Variants in TLN2 observed in about 807,000 individuals in gnomAD.
The protein encoded by TLN2 is talin-2.
TLN2 carries 118 observed loss-of-function variants against 294.7 expected under a neutral mutation model. That is an observed-to-expected ratio of 0.40 (90% confidence interval 0.34 to 0.47). TLN2 has a LOEUF of 0.47. TLN2 is among the 20% of genes least tolerant of loss of function. The pLI, the probability that TLN2 is intolerant of heterozygous loss-of-function variation, is 0.84. For synonymous variants in TLN2, 1,431 were observed against 1,304.5 expected (o/e 1.10, Z -2.09); for missense variants, 3,083 against 3,282.2 (o/e 0.94, Z 1.48).
At chr15:62,827,833 T>TAATC (rs2068366493) in intron 54 of TLN2, 1 of 152,242 alleles carries the variant, frequency 6.6e-6, no homozygotes, top group Admixed American at 6.5e-5. Context: ...TTACATATAC[T>TAATC]AATCACGTGC....
chr15:62,838,742 A>G, intron 57 of TLN2, 114 bp from the exon 58 acceptor site: 11 of 1,390,136 alleles, frequency 7.9e-6, no homozygotes, highest in Non-Finnish European at 1.1e-5. Context: ...ACTTGATGTT[A>G]TAATTGGATA....
intron 41 of TLN2, among the ~76,000 whole-genome samples, chr15:62,768,472 A>G (rs2063157468): frequency 6.6e-6 from 1 of 152,134 alleles, no homozygotes; most frequent in African/African-American, 2.4e-5. Context: ...GTAACTCAGG[A>G]CATTCTTATT....
At chr15:62,460,142 G>A (rs389791) in intron 1 of TLN2, among the ~76,000 whole-genome samples, 146,334 of 152,206 alleles carry the variant, frequency 0.96, 70,598 homozygotes, top group East Asian at 1. Flanking sequence ...CAGGACCTAT[G>A]CTTTCTAGGA....
At chr15:62,548,974 G>T (rs1459949754) in intron 1 of TLN2, among the ~76,000 whole-genome samples, 1 of 152,208 alleles carries the variant, frequency 6.6e-6, no homozygotes, top group African/African-American at 2.4e-5. Context: ...CTTGGTCCTT[G>T]ATAGGAGTGT....
chr15:62,819,977 C>T (rs778484371), intron 53 of TLN2, among the ~76,000 whole-genome samples: 1 of 152,152 alleles, frequency 6.6e-6, no homozygotes, highest in Non-Finnish European at 1.5e-5. Flanking sequence ...GAAAATGATG[C>T]TACCTGAAAA....
chr15:62,412,194 A>C (rs1156875571), intron 1 of TLN2, among the ~76,000 whole-genome samples: 1 of 152,212 alleles, frequency 6.6e-6, no homozygotes, highest in African/African-American at 2.4e-5. Context: ...TAGAATCTTC[A>C]TGTTAATCAG....
At chr15:62,756,118 T>C (rs1171026456) in intron 37 of TLN2, among the ~76,000 whole-genome samples, 1 of 151,896 alleles carries the variant, frequency 6.6e-6, no homozygotes, top group Non-Finnish European at 1.5e-5. Flanking sequence ...ACCAAGAGAG[T>C]AGGTGGAAGG....
chr15:62,760,375 A>T (rs2062587225), intron 37 of TLN2, among the ~76,000 whole-genome samples: 1 of 152,084 alleles, frequency 6.6e-6, no homozygotes, highest in South Asian at 2.1e-4. Flanking sequence ...CTCTTGCTCT[A>T]CTGAAAAACA....
intron 41 of TLN2, among the ~76,000 whole-genome samples, chr15:62,770,389 T>C (rs2141046260): frequency 6.6e-6 from 1 of 152,320 alleles, no homozygotes; most frequent in African/African-American, 2.4e-5. Context: ...GCGGAGGCAG[T>C]GGTTCCTGTC....
intron 50 of TLN2, among the ~76,000 whole-genome samples, chr15:62,802,275 G>T (rs2065978993): frequency 6.6e-6 from 1 of 152,028 alleles, no homozygotes; most frequent in African/African-American, 2.4e-5. Context: ...CATCCATGTT[G>T]TTGCTAATGA....
chr15:62,821,978 G>A (rs1453078266), intron 54 of TLN2, among the ~76,000 whole-genome samples: 2 of 152,160 alleles, frequency 1.3e-5, no homozygotes, highest in Non-Finnish European at 2.9e-5. Flanking sequence ...TTCTTGGGGA[G>A]GGCTCTGTCC....
At chr15:62,514,628 A>C (rs1429853323) in intron 1 of TLN2, among the ~76,000 whole-genome samples, 1 of 152,226 alleles carries the variant, frequency 6.6e-6, no homozygotes, top group Admixed American at 6.5e-5. Context: ...AAATTGTATC[A>C]GTTAGTTTGG....
rs571119824 is a variant in TLN2 at position 62,481,670 on chromosome 15, C to CT, written c.-238+90994dup. On this transcript the variant is annotated intron_variant, in intron 1 of 58. Coordinates refer to ENST00000636159, the MANE Select transcript of TLN2 (RefSeq NM_015059.3). ...GCCTCTACACCCAGCCAAGAAAGTG[C>CT]TTTTTTTTTAAATGAAAATAATATT... 2.7e-3 allele frequency among the ~76,000 whole-genome samples: 404 copies of CT among 150,946 alleles called. 1 individual carries two copies. The highest frequency in any genetic ancestry group is 4.3e-3 in the Non-Finnish European group (292 of 67,758).
intron 3 of TLN2, among the ~76,000 whole-genome samples, chr15:62,620,107 CT>C (rs1472315269): frequency 2.0e-5 from 3 of 152,120 alleles, no homozygotes; most frequent in African/African-American, 7.2e-5. Flanking sequence ...TCTTGAGTAG[CT>C]GGGACTACAG....
At chr15:62,466,931 T>C (rs1379615595) in intron 1 of TLN2, among the ~76,000 whole-genome samples, 2 of 152,230 alleles carry the variant, frequency 1.3e-5, no homozygotes, top group Non-Finnish European at 2.9e-5. Flanking sequence ...GGGGAAGTTG[T>C]CAAAATATTC....
chr15:62,530,870 C>A (rs1284928237), intron 1 of TLN2, among the ~76,000 whole-genome samples: 1 of 152,084 alleles, frequency 6.6e-6, no homozygotes, highest in Non-Finnish European at 1.5e-5. Context: ...GAAGAACTGT[C>A]CTATTTTCTT....
At chr15:62,528,688 T>TTTA (rs1298013205) in intron 1 of TLN2, among the ~76,000 whole-genome samples, 1 of 150,112 alleles carries the variant, frequency 6.7e-6, no homozygotes, top group East Asian at 2.0e-4. Context: ...TTTTTTTTTT[T>TTTA]TTGGCATGTC....
chr15:62,697,832 G>A lies in TLN2; in HGVS notation c.1437G>A (p.Met479Ile), dbSNP rs1334189073. The A allele has an allele frequency of 1.2e-6, 2 of 1,612,872 alleles. No individual in the cohort carries two copies. The highest frequency in any genetic ancestry group is 8.5e-7 in the Non-Finnish European group (1 of 1,179,888). ...TGCCCTCGCCACAGCAGCAGGTCAT[G>A]GTTGGGCAGATGCACCGAGGCCACA... is the stretch of plus-strand genomic sequence containing the variant. ...GSMPSPQQQV[M>I]VGQMHRGHMP... Residue 479 changes from methionine (M) to isoleucine (I), a missense_variant, in exon 15 of 59, where the codon ATG becomes ATA. By Grantham distance (10) the Met-to-Ile change is conservative. Coordinates refer to ENST00000636159, the MANE Select transcript of TLN2 (RefSeq NM_015059.3).
At chr15:62,687,710 A>C (rs1206221433) in intron 12 of TLN2, 1 of 152,206 alleles carries the variant, frequency 6.6e-6, no homozygotes, top group Non-Finnish European at 1.5e-5. Flanking sequence ...ATAGGACATC[A>C]GAAAAAAAAC....
Sources: gnomAD v4.1 joint callset for allele counts (sites outside exome capture counted in the v4.1 genomes callset) on GRCh38, gnomAD v4.1.1 for gene constraint, MANE v1.5 for transcripts, NCBI Gene and HGNC (gene_info 2026-07-23, HGNC 2026-07-21) for gene names.